The following ACVR1 variants were observed in gnomAD, a reference collection of about 807,000 sequenced individuals.
ACVR1 encodes the protein activin receptor type-1.
In ACVR1, 38 loss-of-function variants were observed where a neutral mutation model predicts 57.1. The observed-to-expected ratio is 0.67, with a 90% CI of 0.51 to 0.87. ACVR1 has a LOEUF of 0.87. Among genes scored for constraint, ACVR1 ranks in the 40% least tolerant of loss-of-function variants. The pLI is 0.00. For missense variants in ACVR1, 463 were observed against 638.2 expected, an observed-to-expected ratio of 0.73 and a Z score of 2.96; for synonymous variants, 212 against 228.1, an observed-to-expected ratio of 0.93 and a Z score of 0.63.
intron 1 of ACVR1, among the ~76,000 whole-genome samples, chr2:157,853,360 G>A (rs1177816111): frequency 6.6e-6 from 1 of 152,124 alleles, no homozygotes; most frequent in Admixed American, 6.5e-5. Context: ...TCCTCATGTG[G>A]AAAGAGATAG....
intron 1 of ACVR1, among the ~76,000 whole-genome samples, chr2:157,840,804 G>A (rs569922943): frequency 2.6e-5 from 4 of 152,362 alleles, no homozygotes; most frequent in Admixed American, 6.5e-5. Context: ...GCTGTGAGCC[G>A]CCAAGGCGAT....
chr2:157,759,348 T>A (rs1685554155), intron 9 of ACVR1, among the ~76,000 whole-genome samples: 1 of 151,944 alleles, frequency 6.6e-6, no homozygotes, highest in Admixed American at 6.6e-5. Flanking sequence ...CATCAGAGAT[T>A]ATTACAAACA....
intron 1 of ACVR1, among the ~76,000 whole-genome samples, chr2:157,834,273 A>G (rs933383291): frequency 2.0e-5 from 3 of 152,010 alleles, no homozygotes; most frequent in African/African-American, 7.2e-5. Context: ...TTGTGTTTTT[A>G]GCAGAGACGG....
At chr2:157,856,240 A>G (rs1273236444) in intron 1 of ACVR1, among the ~76,000 whole-genome samples, 2 of 152,050 alleles carry the variant, frequency 1.3e-5, no homozygotes, top group Non-Finnish European at 2.9e-5. Context: ...CATTACTCCA[A>G]TCTCATCCTC....
At chr2:157,752,101 A>G (rs1400989308) in intron 9 of ACVR1, among the ~76,000 whole-genome samples, 1 of 152,190 alleles carries the variant, frequency 6.6e-6, no homozygotes, top group East Asian at 1.9e-4. Context: ...TCCATGGCTG[A>G]GAGACCTGAA....
At chr2:157,855,269 AG>A (rs1434271108) in intron 1 of ACVR1, among the ~76,000 whole-genome samples, 29 of 85,168 alleles carry the variant, frequency 3.4e-4, no homozygotes, top group African/African-American at 1.3e-3. Context: ...AAAAAAAAAA[AG>A]TGTGTGTGTG....
At chr2:157,867,179 G>A (rs898697444) in intron 1 of ACVR1, among the ~76,000 whole-genome samples, 5 of 152,080 alleles carry the variant, frequency 3.3e-5, no homozygotes, top group Non-Finnish European at 7.4e-5. Context: ...GGTTCCAAAA[G>A]TCACATATGT....
intron 1 of ACVR1, among the ~76,000 whole-genome samples, chr2:157,823,098 G>A (rs577771300): frequency 1.3e-5 from 2 of 152,244 alleles, no homozygotes; most frequent in South Asian, 2.1e-4. Context: ...ACATGGCAAC[G>A]GCGAGAAGAA....
At chr2:157,783,782 A>ATT (rs1386579388) in intron 3 of ACVR1, among the ~76,000 whole-genome samples, 11 of 152,310 alleles carry the variant, frequency 7.2e-5, no homozygotes, top group Admixed American at 6.5e-4. Flanking sequence ...TTCCTCATCC[A>ATT]CTGTTCAATC....
chr2:157,868,427 G>T (rs1212929000), intron 1 of ACVR1, among the ~76,000 whole-genome samples: 1 of 150,856 alleles, frequency 6.6e-6, no homozygotes, highest in Non-Finnish European at 1.5e-5. Context: ...GGAAGTTGCA[G>T]TGAGCCGAGA....
At chr2:157,737,797 C>A in intron 10 of ACVR1, 132 bp from the exon 11 acceptor site, 1 of 1,200,062 alleles carries the variant, frequency 8.3e-7, no homozygotes, top group Non-Finnish European at 1.2e-6. Context: ...TTACTGTCAT[C>A]TTCTTCAAGC....
intron 3 of ACVR1, among the ~76,000 whole-genome samples, chr2:157,783,625 C>G (rs890631345): frequency 6.6e-6 from 1 of 152,160 alleles, no homozygotes; most frequent in Non-Finnish European, 1.5e-5. Context: ...ATAACCTACC[C>G]TCCACAACTG....
intron 1 of ACVR1, among the ~76,000 whole-genome samples, chr2:157,863,015 T>A (rs1261887564): frequency 5.6e-3 from 54 of 9,646 alleles, no homozygotes; most frequent in Non-Finnish European, 0.039. Flanking sequence ...CATTTACTTT[T>A]TTTTTTTTTT....
At chr2:157,841,170 G>T (rs182542373) in intron 1 of ACVR1, among the ~76,000 whole-genome samples, 2 of 152,092 alleles carry the variant, frequency 1.3e-5, no homozygotes, top group African/African-American at 2.4e-5. Flanking sequence ...AAAAAGTGGG[G>T]ATATTAAAGT....
intron 1 of ACVR1, among the ~76,000 whole-genome samples, chr2:157,841,095 C>G (rs1348090667): frequency 6.6e-6 from 1 of 152,236 alleles, no homozygotes; most frequent in Non-Finnish European, 1.5e-5. Context: ...AATGTACATA[C>G]ATGCTTACTC....
At chr2:157,835,876 T>G (rs890482635) in intron 1 of ACVR1, among the ~76,000 whole-genome samples, 1 of 152,230 alleles carries the variant, frequency 6.6e-6, no homozygotes, top group African/African-American at 2.4e-5. Context: ...AGCAAGTCAC[T>G]GCCAAACAAC....
chr2:157,865,865 T>C (rs1265779469), intron 1 of ACVR1, among the ~76,000 whole-genome samples: 1 of 150,080 alleles, frequency 6.7e-6, no homozygotes, highest in East Asian at 1.9e-4. Flanking sequence ...GATAGATAGA[T>C]TGACTGATTG....
intron 3 of ACVR1, among the ~76,000 whole-genome samples, chr2:157,789,719 G>A (rs1197048991): frequency 6.6e-6 from 1 of 152,200 alleles, no homozygotes; most frequent in African/African-American, 2.4e-5. Flanking sequence ...GATTGTACTT[G>A]TGCCAATATT....
At chr2:157,750,698 A>C (rs1164577797) in intron 9 of ACVR1, among the ~76,000 whole-genome samples, 1 of 152,210 alleles carries the variant, frequency 6.6e-6, no homozygotes, top group Non-Finnish European at 1.5e-5. Context: ...AAAAACAAGG[A>C]AACATGACAC....
Sources: gnomAD v4.1 joint callset for allele counts (sites outside exome capture counted in the v4.1 genomes callset) on GRCh38, gnomAD v4.1.1 for gene constraint, MANE v1.5 for transcripts, NCBI Gene and HGNC (gene_info 2026-07-23, HGNC 2026-07-21) for gene names.